Variants in LRRC7 observed in about 807,000 individuals in gnomAD.
LRRC7 encodes the protein leucine-rich repeat-containing protein 7.
A neutral mutation model predicts 175.7 loss-of-function variants in LRRC7; 23 were observed. The ratio of observed to expected loss-of-function variants is 0.13; its 90% CI spans 0.09 to 0.19. The LOEUF (loss-of-function observed/expected upper bound fraction) is 0.19. Ranked by LOEUF, LRRC7 falls within the 10% of genes least tolerant of loss-of-function variation. The pLI is 1.00. For synonymous variants in LRRC7, 685 were observed against 680.9 expected (o/e 1.01, Z -0.09); for missense variants, 1,354 against 1,904.7 (o/e 0.71, Z 5.38).
At chr1:69,573,998 G>T (rs1645842809) in intron 1 of LRRC7, among the ~76,000 whole-genome samples, 1 of 152,080 alleles carries the variant, frequency 6.6e-6, no homozygotes, top group South Asian at 2.1e-4. Context: ...TGTACACGAA[G>T]TTCAGTAAGG....
rs780581912 is a variant in LRRC7 at position 70,076,158 on chromosome 1, A to C, written c.4312A>C (p.Ile1438Leu). The change falls in exon 24 of 27, where the codon ATA becomes CTA. Residue 1438 changes from isoleucine to leucine, a missense_variant. Physicochemically the swap from Ile to Leu is conservative, Grantham distance 5 (BLOSUM62 2). Around this residue, in one of 4 missense-constraint regions of LRRC7, gnomAD observed 1,032 missense variants for 1,227.2 expected, o/e 0.84. Transcript: ENST00000651989. ...GGAGCAGCAGCCGTATGAAGGAAAT[A>C]TAAACAAAGTGACCATCCAGCAATT... Reference protein sequence around the residue: ...SREQQPYEGNINKVTIQQFQS... With the variant: ...SREQQPYEGNLNKVTIQQFQS... 6.2e-6 allele frequency: 10 copies of C among 1,613,994 alleles called. No homozygotes were observed. The African/African-American group carries it at 1.3e-4, about 22-fold the overall frequency.
intron 25 of LRRC7, among the ~76,000 whole-genome samples, chr1:70,103,454 A>C (rs1246297658): frequency 1.3e-5 from 2 of 152,122 alleles, no homozygotes; most frequent in Non-Finnish European, 2.9e-5. Flanking sequence ...AGAGAGGTTC[A>C]CCATTGGTAG....
chr1:69,950,271 G>A (rs1055165889), intron 8 of LRRC7, among the ~76,000 whole-genome samples: 2 of 152,114 alleles, frequency 1.3e-5, no homozygotes, highest in Non-Finnish European at 2.9e-5. Context: ...GAAAACTGAA[G>A]AGTGACTTTT....
intron 11 of LRRC7, among the ~76,000 whole-genome samples, chr1:70,004,449 T>C (rs2101935545): frequency 6.6e-6 from 1 of 152,316 alleles, no homozygotes; most frequent in Admixed American, 6.5e-5. Flanking sequence ...ACTTAACATT[T>C]GCTATGTGCC....
At chr1:69,619,444 A>G (rs974626637) in intron 1 of LRRC7, among the ~76,000 whole-genome samples, 2 of 152,288 alleles carry the variant, frequency 1.3e-5, no homozygotes, top group South Asian at 2.1e-4. Flanking sequence ...TTCATTCTGC[A>G]TGAAGAAATG....
rs551443145 is a variant in LRRC7, at chr1:69,617,938, G to A, written c.2+49297G>A. Among the ~76,000 whole-genome samples, 16 of 152,184 alleles carry A rather than the reference G, an allele frequency of 1.1e-4. No homozygotes were observed. In the South Asian group the frequency reaches 2.5e-3, roughly 24 times the overall value. On this transcript the variant is annotated intron_variant, in intron 1 of 26. Transcript: ENST00000651989. Reference sequence around the variant, plus strand: ...CCCATACATGATGACAATAAACAGCGTTGGGGCATAATCAGAGGGACATAA... The same window carrying A: ...CCCATACATGATGACAATAAACAGCATTGGGGCATAATCAGAGGGACATAA...
chr1:69,827,369 G>A (rs1361005373), intron 5 of LRRC7, among the ~76,000 whole-genome samples: 5 of 151,922 alleles, frequency 3.3e-5, no homozygotes, highest in Non-Finnish European at 7.4e-5. Flanking sequence ...TGGTTTTATT[G>A]GATATGTCTA....
At chr1:69,718,152 G>GAAAGAAAGAAAGAAAGAAAGA (rs1557643571) in intron 2 of LRRC7, among the ~76,000 whole-genome samples, 4 of 146,202 alleles carry the variant, frequency 2.7e-5, no homozygotes, top group Non-Finnish European at 4.5e-5. Flanking sequence ...GAGAAAGAAA[G>GAAAGAAAGAAAGAAAGAAAGA]AAAGAAAGAA....
At chr1:69,718,786 G>A (rs1462214910) in intron 2 of LRRC7, among the ~76,000 whole-genome samples, 1 of 151,742 alleles carries the variant, frequency 6.6e-6, no homozygotes, top group African/African-American at 2.4e-5. Flanking sequence ...AAGAAGCCAA[G>A]AGATTCAAAG....
intron 7 of LRRC7, among the ~76,000 whole-genome samples, chr1:69,912,869 T>G (rs1040686651): frequency 6.6e-6 from 1 of 152,222 alleles, no homozygotes; most frequent in African/African-American, 2.4e-5. Context: ...TACAACTTAA[T>G]CTTTCTGTTT....
chr1:69,941,787 C>T (rs1186153494), intron 8 of LRRC7, among the ~76,000 whole-genome samples: 1 of 152,026 alleles, frequency 6.6e-6, no homozygotes, highest in Admixed American at 6.6e-5. Flanking sequence ...ATGCTTCCTT[C>T]CCCCTTACAT....
intron 7 of LRRC7, among the ~76,000 whole-genome samples, chr1:69,908,649 C>A (rs12060089): frequency 0.036 from 5,215 of 145,336 alleles, 112 homozygotes; most frequent in African/African-American, 0.079. Context: ...AATTTCCGTT[C>A]TTTTACATTT....
intron 5 of LRRC7, among the ~76,000 whole-genome samples, chr1:69,833,123 C>T (rs965956703): frequency 1.3e-5 from 2 of 151,214 alleles, no homozygotes; most frequent in East Asian, 1.9e-4. Flanking sequence ...AAAGAAGAAA[C>T]GACTGTAATG....
At chr1:69,867,559 G>A (rs1036730125) in intron 7 of LRRC7, among the ~76,000 whole-genome samples, 3 of 152,090 alleles carry the variant, frequency 2.0e-5, no homozygotes, top group Non-Finnish European at 4.4e-5. Flanking sequence ...GTGGAATTGA[G>A]GAGTTTAAAG....
chr1:69,912,913 A>G (rs921431269), intron 7 of LRRC7, among the ~76,000 whole-genome samples: 3 of 152,128 alleles, frequency 2.0e-5, no homozygotes, highest in Non-Finnish European at 4.4e-5. Flanking sequence ...TATAAACAAG[A>G]TGTATTCTTA....
chr1:69,824,140 G>A (rs551327938), intron 4 of LRRC7, among the ~76,000 whole-genome samples: 6 of 152,068 alleles, frequency 3.9e-5, no homozygotes, highest in Admixed American at 1.3e-4. Context: ...TGATTTACAC[G>A]TAATTCAAGC....
intron 2 of LRRC7, among the ~76,000 whole-genome samples, chr1:69,691,750 A>G (rs12749989): frequency 0.08 from 11,196 of 140,066 alleles, 564 homozygotes; most frequent in East Asian, 0.21. Context: ...GTGAGTTGTG[A>G]TTACACTGCT....
In LRRC7 at chr1:70,038,719, A is replaced by G. The variant is rs772120224; in HGVS notation, c.2895A>G (p.Lys965=). The change falls in exon 21 of 27, where the codon AAA becomes AAG. Residue 965 remains lysine, a synonymous_variant. Coordinates refer to ENST00000651989, the MANE Select transcript of LRRC7 (RefSeq NM_001370785.2). ...CTAAAGGTGTTATTTCAATTAGCAAAAGCACAGAGAGGCTTTCCCCCCTAA... is the reference window on the plus strand; with the variant it reads ...CTAAAGGTGTTATTTCAATTAGCAAGAGCACAGAGAGGCTTTCCCCCCTAA... ...ESSKGVISIS[K]STERLSPLMK... The G allele has an allele frequency of 3.7e-6, 6 of 1,613,974 alleles. No homozygotes were observed. The Admixed American group carries it at 1.0e-4, about 27-fold the overall frequency.
chr1:69,714,959 T>C (rs1487388884), intron 2 of LRRC7, among the ~76,000 whole-genome samples: 1 of 152,202 alleles, frequency 6.6e-6, no homozygotes, highest in African/African-American at 2.4e-5. Context: ...AAATAAAGAA[T>C]TGTATCAATT....
Sources: allele counts gnomAD v4.1 joint callset (sites outside exome capture counted in the v4.1 genomes callset), GRCh38; gene constraint gnomAD v4.1.1; regional missense constraint gnomAD v4.1.1; transcripts MANE v1.5; gene names NCBI Gene and HGNC (gene_info 2026-07-23, HGNC 2026-07-21).